Variants in SMURF2 observed in about 807,000 individuals in gnomAD.
SMURF2 encodes the protein E3 ubiquitin-protein ligase SMURF2.
A neutral mutation model predicts 109.6 loss-of-function variants in SMURF2; 48 were observed. The ratio of observed to expected loss-of-function variants is 0.44; its 90% CI spans 0.35 to 0.56. The LOEUF is 0.56. Among genes scored for constraint, SMURF2 ranks in the 20% least tolerant of loss-of-function variants. The probability of loss-of-function intolerance (pLI) is 0.01; values close to 1 mark genes in which losing one functional copy is unlikely to be tolerated. For synonymous variants in SMURF2, 288 were observed against 317.1 expected (o/e 0.91, Z 0.97); for missense variants, 575 against 909.0 (o/e 0.63, Z 4.72).
In SMURF2 at chr17:64,543,314, G is replaced by C. The variant is rs542311877; in HGVS notation, c.*2534C>G. On this transcript the variant is annotated 3_prime_UTR_variant, in exon 19 of 19. Transcript: ENST00000262435. Reference sequence around the variant, plus strand: ...GCGGGGACGGAGTCTCACTCTTGTCGCCCAGGCTGGAGTGCAGTGGTGCGA... The same window carrying C: ...GCGGGGACGGAGTCTCACTCTTGTCCCCCAGGCTGGAGTGCAGTGGTGCGA... 6.9e-6 allele frequency: 1 copy of C among 144,832 alleles called. No individual in the cohort carries two copies. The highest frequency in any genetic ancestry group is 1.5e-5 in the Non-Finnish European group (1 of 66,986). 9.0% of individuals were successfully genotyped at this position (144,832 alleles called of 1,614,324 possible).
chr17:64,562,285 CAAAAAAAAAA>C (rs782461489), intron 11 of SMURF2, among the ~76,000 whole-genome samples: 37 of 19,020 alleles, frequency 1.9e-3, no homozygotes, highest in Admixed American at 4.5e-3. Context: ...GACTCCGTCT[CAAAAAAAAAA>C]AAAAAAAAAA....
At chr17:64,659,124 T>C (rs530153555) in intron 1 of SMURF2, among the ~76,000 whole-genome samples, 5 of 152,154 alleles carry the variant, frequency 3.3e-5, no homozygotes, top group Admixed American at 3.3e-4. Context: ...GCTTAAATAT[T>C]TCCTCTTCTT....
At chr17:64,548,924 C>T (rs74375784) in intron 16 of SMURF2, among the ~76,000 whole-genome samples, 7,525 of 152,094 alleles carry the variant, frequency 0.049, 294 homozygotes, top group Admixed American at 0.13. Flanking sequence ...CTTGCAAATC[C>T]TGTATTTTAT....
chr17:64,596,032 C>A lies in SMURF2; in HGVS notation c.200+2350G>T, dbSNP rs1359971030. 4.7e-5 allele frequency among the ~76,000 whole-genome samples: 7 copies of A among 149,088 alleles called. No homozygotes were observed. In the East Asian group the frequency reaches 1.4e-3, roughly 29 times the overall value. ...AAATTGAGGCAAGCTGCAAAATAAA[C>A]CACTGATTTTTTTTTTTCTTAACAT... On this transcript the variant is annotated intron_variant, in intron 3 of 18. Coordinates refer to ENST00000262435, the MANE Select transcript of SMURF2 (RefSeq NM_022739.4).
At chr17:64,573,255 AGGAGGAGGAGGAGGAGGAGGG>A (rs1969439951) in intron 9 of SMURF2, among the ~76,000 whole-genome samples, 1 of 18,864 alleles carries the variant, frequency 5.3e-5, no homozygotes, top group East Asian at 1.3e-3. Context: ...GGAGGAGGGG[AGGAGGAGGAGGAGGAGGAGGG>A]GGAGGAGGAG....
chr17:64,619,858 A>G (rs1409255856), intron 1 of SMURF2, among the ~76,000 whole-genome samples: 1 of 152,186 alleles, frequency 6.6e-6, no homozygotes, highest in Non-Finnish European at 1.5e-5. Context: ...TGGGGGACAC[A>G]TTCCATTCAT....
chr17:64,638,062 C>CTT lies in SMURF2; in HGVS notation c.52+23765_52+23766dup, dbSNP rs1195172818. On this transcript the variant is annotated intron_variant, in intron 1 of 18. Transcript: ENST00000262435. ...CATGAGTTTTTTTTTTTTCCTTTTTCTTTTTTTTTTTTTTTTTTTTGACAG... is the reference window on the plus strand; with the variant it reads ...CATGAGTTTTTTTTTTTTCCTTTTTCTTTTTTTTTTTTTTTTTTTTTTGACAG... Among the ~76,000 whole-genome samples the CTT allele has an allele frequency of 2.9e-3, 295 of 102,424 alleles. 1 individual carries two copies. The highest frequency in any genetic ancestry group is 4.8e-3 in the African/African-American group (116 of 24,304). The allele number at this position is 102,424 out of a possible 152,430, so 67.2% of individuals were successfully genotyped here. A position where few individuals can be genotyped will look rare whatever the true frequency, so the allele number is the denominator to read the frequency against.
At chr17:64,562,696 A>C in intron 11 of SMURF2, 75 bp downstream of exon 11, 2 of 1,439,306 alleles carry the variant, frequency 1.4e-6, no homozygotes, top group East Asian at 4.6e-5. Flanking sequence ...TCTAATTTAA[A>C]ATAAGGTTTG....
At chr17:64,546,862 CAGAG>C (rs1968961656) in intron 17 of SMURF2, among the ~76,000 whole-genome samples, 1 of 152,226 alleles carries the variant, frequency 6.6e-6, no homozygotes, top group African/African-American at 2.4e-5. Flanking sequence ...GCTCTCCTTA[CAGAG>C]AAGGGCAGCA....
rs142618255 is a variant in SMURF2 at position 64,642,445 on chromosome 17, T to A, written c.52+19384A>T. Among the ~76,000 whole-genome samples the A allele has an allele frequency of 4.3e-3, 658 of 152,322 alleles. 4 individuals are homozygous for A. Among genetic ancestry groups the A allele is most frequent in the Non-Finnish European group, 6.5e-3 (439 of 68,026 alleles). ...AGAGCCTTGCACTATATAATCCTAC[T>A]AAATGTAGTAGTTATTTATTATGGC... On this transcript the variant is annotated intron_variant, in intron 1 of 18. Coordinates refer to ENST00000262435, the MANE Select transcript of SMURF2 (RefSeq NM_022739.4).
intron 1 of SMURF2, among the ~76,000 whole-genome samples, chr17:64,620,050 T>A (rs992945068): frequency 2.0e-5 from 3 of 152,182 alleles, no homozygotes; most frequent in Non-Finnish European, 4.4e-5. Context: ...AACCTGCTCT[T>A]CTTTTTGACC....
chr17:64,662,171 G>T lies in SMURF2; in HGVS notation c.-291C>A. The T allele has an allele frequency of 1.7e-5, 18 of 1,035,918 alleles. No homozygotes were observed. Among genetic ancestry groups the T allele is most frequent in the Non-Finnish European group, 2.1e-5 (18 of 863,686 alleles). 64.2% of individuals were successfully genotyped at this position (1,035,918 alleles called of 1,614,324 possible). On this transcript the variant is annotated 5_prime_UTR_variant, in exon 1 of 19. Transcript: ENST00000262435. ...GCGCCCCCGCCGCCTCCTCGCGGCC[G>T]CCGAGGCCTTTCCCTCCTCTCGTCT...
At chr17:64,660,805 G>T (rs1250264628) in intron 1 of SMURF2, 1 of 152,202 alleles carries the variant, frequency 6.6e-6, no homozygotes. Context: ...ATAACGCCGT[G>T]ATTCCAATTC....
chr17:64,635,583 C>T (rs1032595924), intron 1 of SMURF2, among the ~76,000 whole-genome samples: 6 of 152,092 alleles, frequency 3.9e-5, no homozygotes, highest in Non-Finnish European at 7.4e-5. Context: ...AACAATATGG[C>T]TTTTTGTGTC....
chr17:64,607,033 T>C (rs1200060413), intron 1 of SMURF2, among the ~76,000 whole-genome samples: 3 of 151,382 alleles, frequency 2.0e-5, no homozygotes, highest in Non-Finnish European at 4.4e-5. Context: ...GGATCACAAA[T>C]AAAGATAAAG....
chr17:64,604,715 G>A (rs958196665), intron 2 of SMURF2, among the ~76,000 whole-genome samples: 2 of 152,116 alleles, frequency 1.3e-5, no homozygotes, highest in African/African-American at 4.8e-5. Context: ...GGAGGCCAAG[G>A]CAGGAGGATC....
intron 1 of SMURF2, among the ~76,000 whole-genome samples, chr17:64,607,863 C>G (rs559992685): frequency 1.3e-5 from 2 of 151,154 alleles, no homozygotes; most frequent in East Asian, 1.9e-4. Flanking sequence ...CCCAGCTACT[C>G]AGGAGGCTGA....
At chr17:64,595,014 G>A (rs1248486446) in intron 3 of SMURF2, among the ~76,000 whole-genome samples, 2 of 151,886 alleles carry the variant, frequency 1.3e-5, no homozygotes, top group South Asian at 2.1e-4. Context: ...AAAAAGTTAC[G>A]TTAAACCAGT....
chr17:64,612,168 A>T (rs1970053538), intron 1 of SMURF2, among the ~76,000 whole-genome samples: 1 of 152,180 alleles, frequency 6.6e-6, no homozygotes, highest in African/African-American at 2.4e-5. Context: ...AATGTTGCTT[A>T]TAATTGCGGA....
Sources: allele counts gnomAD v4.1 joint callset (sites outside exome capture counted in the v4.1 genomes callset), GRCh38; gene constraint gnomAD v4.1.1; transcripts MANE v1.5; gene names NCBI Gene and HGNC (gene_info 2026-07-23, HGNC 2026-07-21).